The following RIMKLB variants were observed in gnomAD, a reference collection of about 807,000 sequenced individuals.
The protein encoded by RIMKLB is beta-citrylglutamate synthase B.
A neutral mutation model predicts 32.0 loss-of-function variants in RIMKLB; 7 were observed. The ratio of observed to expected loss-of-function variants is 0.22; its 90% CI spans 0.12 to 0.41. The LOEUF is 0.41. Ranked by LOEUF, RIMKLB falls within the 10% of genes least tolerant of loss-of-function variation. The pLI is 1.00. For missense variants in RIMKLB, 289 were observed against 498.7 expected, an observed-to-expected ratio of 0.58 and a Z score of 4.00; for synonymous variants, 172 against 185.1, an observed-to-expected ratio of 0.93 and a Z score of 0.57.
chr12:8,697,160 CAACT>C (rs1002296570), upstream of RIMKLB: 2 of 152,178 alleles, frequency 1.3e-5, no homozygotes, highest in African/African-American at 4.8e-5. Flanking sequence ...GGAAGCGTAG[CAACT>C]AACTTGTCCA....
rs1313097640 is a variant in RIMKLB at position 8,776,698 on chromosome 12, T to G, written c.*2914T>G. 3.0e-6 allele frequency: 3 copies of G among 985,022 alleles called. No homozygotes were observed. Among genetic ancestry groups the G allele is most frequent in the African/African-American group, 1.8e-5 (1 of 57,128 alleles). 61.0% of individuals were successfully genotyped at this position (985,022 alleles called of 1,614,324 possible). A position where few individuals can be genotyped will look rare whatever the true frequency, so the allele number is the denominator to read the frequency against. On this transcript the variant is annotated 3_prime_UTR_variant, in exon 6 of 6. Coordinates refer to ENST00000535829, the MANE Select transcript of RIMKLB (RefSeq NM_001297776.2). ...TTTTTTTCTTTTTTGGTGCCTATAA[T>G]TGATTGGTCATTTCTGCTGGCTTTT...
intron 2 of RIMKLB, among the ~76,000 whole-genome samples, chr12:8,717,316 C>T (rs770056839): frequency 3.3e-5 from 5 of 152,030 alleles, no homozygotes; most frequent in Admixed American, 6.6e-5. Context: ...ATCTCAAAGC[C>T]GTTTAAAAAA....
rs752174507 is a variant in RIMKLB at position 8,687,820 on chromosome 12, G to GAAA, written n.219+6021_219+6023dup. 4.1e-3 allele frequency among the ~76,000 whole-genome samples: 299 copies of GAAA among 72,758 alleles called. 3 individuals are homozygous for GAAA. The highest frequency in any genetic ancestry group is 0.015 in the African/African-American group (271 of 17,850). 47.7% of individuals were successfully genotyped at this position (72,758 alleles called of 152,430 possible). A position where few individuals can be genotyped will look rare whatever the true frequency, so the allele number is the denominator to read the frequency against. ...GCTAGAGCAAGTTCCAAGTCAGGAA[G>GAAA]AAAAAAAAAAAAAAAAAAAAAGCAG... On this transcript the variant is annotated intron_variant and non_coding_transcript_variant, in intron 1 of 1. Transcript: ENST00000538758.
chr12:8,779,757 T>C (rs1409036019), downstream of RIMKLB: 1 of 152,164 alleles, frequency 6.6e-6, no homozygotes, highest in Non-Finnish European at 1.5e-5. Context: ...AACATAGACC[T>C]AGATGACAAA....
At position 8,773,674 on chromosome 12, in the gene RIMKLB, G is replaced by T. The variant is rs1156276862; in HGVS notation, c.1051G>T (p.Val351Phe). 1 of 1,614,234 alleles carries T rather than the reference G, an allele frequency of 6.2e-7. No homozygotes were observed. Among genetic ancestry groups the T allele is most frequent in the African/African-American group, 1.3e-5 (1 of 75,062 alleles). ...VDNMSASSSS[V>F]DSDPESTERE... ...CAACATGAGTGCAAGTTCCAGCTCT[G>T]TTGACAGCGACCCTGAAAGCACGGA... is the stretch of plus-strand genomic sequence containing the variant. The change falls in exon 6 of 6, where the codon GTT becomes TTT. Residue 351 changes from valine (V) to phenylalanine (F), a missense_variant. Physicochemically the swap from Val to Phe is conservative, Grantham distance 50. Around this residue, in one of 3 missense-constraint regions of RIMKLB, gnomAD observed 99 missense variants for 133.9 expected, o/e 0.74. Coordinates refer to ENST00000535829, the MANE Select transcript of RIMKLB (RefSeq NM_001297776.2).
intron 5 of RIMKLB, among the ~76,000 whole-genome samples, chr12:8,755,280 T>C (rs1948929191): frequency 6.6e-6 from 1 of 151,954 alleles, no homozygotes; most frequent in Admixed American, 6.6e-5. Flanking sequence ...TTTTTTTTTT[T>C]TGTAGAGATA....
intron 1 of RIMKLB, among the ~76,000 whole-genome samples, chr12:8,702,187 CAG>C (rs1174647723): frequency 2.0e-5 from 3 of 152,180 alleles, no homozygotes; most frequent in Non-Finnish European, 4.4e-5. Flanking sequence ...GGGATAACAT[CAG>C]GGAATAAAAT....
intron 5 of RIMKLB, among the ~76,000 whole-genome samples, chr12:8,768,655 G>A (rs1042682110): frequency 6.6e-5 from 10 of 152,178 alleles, no homozygotes; most frequent in South Asian, 4.1e-4. Flanking sequence ...AAACTGAGCC[G>A]TGAACCTTTC....
At chr12:8,695,694 C>CTTTTTT (rs397951288), upstream of RIMKLB, among the ~76,000 whole-genome samples, 2 of 132,748 alleles carry the variant, frequency 1.5e-5, no homozygotes, top group Admixed American at 1.5e-4. Context: ...TGAATAGCAA[C>CTTTTTT]TTTTTTTTTT....
the RIMKLB span, among the ~76,000 whole-genome samples, chr12:8,673,671 C>T: frequency 6.6e-6 from 1 of 151,842 alleles, no homozygotes; most frequent in African/African-American, 2.4e-5. Flanking sequence ...TCTTGGCTCA[C>T]TGCAACCTCT....
chr12:8,684,859 G>C (rs1180468562), intron 1 of RIMKLB, among the ~76,000 whole-genome samples: 1 of 152,202 alleles, frequency 6.6e-6, no homozygotes. Context: ...CTGAGCTCAG[G>C]CAGTCTGCTC....
rs188020769 is a variant in RIMKLB, at chr12:8,685,483, A to G, written n.219+3665A>G. ...TTTCTTTAGTCTGTTGATGCGATGG[A>G]TTGCATTAATTGATTTTTCAAATAT... On this transcript the variant is annotated intron_variant and non_coding_transcript_variant, in intron 1 of 1. Transcript: ENST00000538758. Among the ~76,000 whole-genome samples, 300 of 152,208 alleles carry G rather than the reference A, an allele frequency of 2.0e-3. 1 individual carries two copies. Among genetic ancestry groups the G allele is most frequent in the Non-Finnish European group, 3.3e-3 (224 of 68,016 alleles).
intron 5 of RIMKLB, 66 bp from the exon 6 acceptor site, chr12:8,773,255 G>A (rs1950543362): frequency 2.6e-6 from 3 of 1,168,750 alleles, no homozygotes; most frequent in Non-Finnish European, 3.8e-6. Flanking sequence ...AGCCTTGGAG[G>A]CCAACTTTAA....
intron 5 of RIMKLB, among the ~76,000 whole-genome samples, chr12:8,757,308 G>T (rs1949123520): frequency 6.6e-6 from 1 of 151,948 alleles, no homozygotes; most frequent in Non-Finnish European, 1.5e-5. Context: ...CAAGAGAATG[G>T]CTTGAGCCCT....
intron 2 of RIMKLB, among the ~76,000 whole-genome samples, chr12:8,749,219 A>ATTTTT (rs34847350): frequency 6.3e-4 from 89 of 141,050 alleles, no homozygotes; most frequent in African/African-American, 2.1e-3. Context: ...AACCACTTAG[A>ATTTTT]TTTTTTTTTT....
intron 1 of RIMKLB, among the ~76,000 whole-genome samples, chr12:8,691,506 A>C (rs1942732290): frequency 6.6e-6 from 1 of 152,098 alleles, no homozygotes; most frequent in Non-Finnish European, 1.5e-5. Flanking sequence ...GCTACTCCGG[A>C]GGATGAGGCA....
intron 2 of RIMKLB, among the ~76,000 whole-genome samples, chr12:8,735,770 G>C (rs1306582413): frequency 6.7e-6 from 1 of 149,172 alleles, no homozygotes; most frequent in Non-Finnish European, 1.5e-5. Context: ...CGCTCTTATT[G>C]CTCAGGCTGG....
At chr12:8,764,125 A>G (rs1478078487) in intron 5 of RIMKLB, among the ~76,000 whole-genome samples, 1 of 152,198 alleles carries the variant, frequency 6.6e-6, no homozygotes, top group African/African-American at 2.4e-5. Flanking sequence ...GGGCTACTGC[A>G]TGATTTTACT....
intron 5 of RIMKLB, among the ~76,000 whole-genome samples, chr12:8,767,251 C>T (rs769418242): frequency 1.3e-5 from 2 of 152,324 alleles, no homozygotes; most frequent in South Asian, 2.1e-4. Context: ...GTCTCTCTTT[C>T]TCTTTTCTCC....
Sources: allele counts gnomAD v4.1 joint callset (sites outside exome capture counted in the v4.1 genomes callset), GRCh38; gene constraint gnomAD v4.1.1; regional missense constraint gnomAD v4.1.1; transcripts MANE v1.5; gene names NCBI Gene and HGNC (gene_info 2026-07-23, HGNC 2026-07-21).